The following CSMD2 variants were observed in gnomAD, a reference collection of about 807,000 sequenced individuals.
The protein encoded by CSMD2 is CUB and sushi domain-containing protein 2.
In CSMD2, 130 loss-of-function variants were observed where a neutral mutation model predicts 398.5. The ratio of observed to expected loss-of-function variants is 0.33; its 90% CI spans 0.28 to 0.38. The LOEUF (loss-of-function observed/expected upper bound fraction) is 0.38, where lower values mean the gene tolerates loss of function less well. Among genes scored for constraint, CSMD2 ranks in the 10% least tolerant of loss-of-function variants. The pLI is 1.00. For synonymous variants in CSMD2, 1,828 were observed against 1,908.5 expected, an observed-to-expected ratio of 0.96 and a Z score of 1.10; for missense variants, 3,829 against 4,764.9, an observed-to-expected ratio of 0.80 and a Z score of 5.78.
rs941119306 is a variant in CSMD2 at position 33,936,050 on chromosome 1, G to A, written c.518-96C>T. ...AGTAGCAACTCCCTAGGCCACTCGGGCTTCCTGGAACTCATTTCTTCTTCT... is the reference window on the plus strand; with the variant it reads ...AGTAGCAACTCCCTAGGCCACTCGGACTTCCTGGAACTCATTTCTTCTTCT... On this transcript the variant is annotated intron_variant, in intron 3 of 70. Transcript: ENST00000373381. The A allele has an allele frequency of 5.9e-6, 6 of 1,022,454 alleles. No individual in the cohort carries two copies. The Admixed American group carries it at 1.3e-4, about 22-fold the overall frequency. The allele number at this position is 1,022,454 out of a possible 1,614,324, so 63.3% of individuals were successfully genotyped here. A position where few individuals can be genotyped will look rare whatever the true frequency, so the allele number is the denominator to read the frequency against.
intron 44 of CSMD2, among the ~76,000 whole-genome samples, chr1:33,588,302 T>C (rs1284526516): frequency 6.6e-6 from 1 of 152,232 alleles, no homozygotes; most frequent in Non-Finnish European, 1.5e-5. Context: ...ACAGATACTC[T>C]GTTAACCATT....
chr1:33,795,093 G>T (rs1654794662), intron 10 of CSMD2, among the ~76,000 whole-genome samples: 1 of 151,828 alleles, frequency 6.6e-6, no homozygotes, highest in South Asian at 2.1e-4. Flanking sequence ...GCAAGGTCAA[G>T]GTGAGGCGGG....
Position 33,714,788 on chromosome 1 carries a change from CA to C in CSMD2, c.3218-14del, listed in dbSNP as rs1477476533. On this transcript the variant is annotated splice_polypyrimidine_tract_variant and intron_variant, in intron 20 of 70. Transcript: ENST00000373381. ...TCCAAGTCGTACTCTGGAAAGGTAGCAGGAGATCCGGGCTCAGAGACATTGC... is the reference window on the plus strand; with the variant it reads ...TCCAAGTCGTACTCTGGAAAGGTAGCGGAGATCCGGGCTCAGAGACATTGC... 6.2e-7 allele frequency: 1 copy of C among 1,612,868 alleles called. No individual in the cohort carries two copies. Among genetic ancestry groups the C allele is most frequent in the African/African-American group, 1.3e-5 (1 of 74,890 alleles).
At chr1:34,022,514 C>T (rs10914845) in intron 3 of CSMD2, among the ~76,000 whole-genome samples, 57,746 of 152,058 alleles carry the variant, frequency 0.38, 13,559 homozygotes, top group Non-Finnish European at 0.53. Context: ...ACAGAAAATA[C>T]ACGAGTGATG....
At chr1:33,987,847 G>C (rs1382419095) in intron 3 of CSMD2, among the ~76,000 whole-genome samples, 4 of 152,036 alleles carry the variant, frequency 2.6e-5, no homozygotes, top group Admixed American at 6.6e-5. Context: ...TAGAAACCTG[G>C]ATCATCCAAC....
intron 3 of CSMD2, among the ~76,000 whole-genome samples, chr1:33,978,582 A>G (rs1333775980): frequency 6.6e-6 from 1 of 152,168 alleles, no homozygotes; most frequent in African/African-American, 2.4e-5. Context: ...TGACACCTGA[A>G]GGATACGCAA....
chr1:33,570,333 A>ATT (rs57025243), intron 51 of CSMD2, among the ~76,000 whole-genome samples: 290 of 140,704 alleles, frequency 2.1e-3, no homozygotes, highest in African/African-American at 7.4e-3. Flanking sequence ...ATGCTGGCTA[A>ATT]TTTTTTTTTT....
At chr1:33,738,593 T>C (rs1646955280) in intron 15 of CSMD2, among the ~76,000 whole-genome samples, 1 of 152,220 alleles carries the variant, frequency 6.6e-6, no homozygotes, top group Non-Finnish European at 1.5e-5. Context: ...TCATCAGCCG[T>C]GTGCCTGCTG....
At position 33,634,341 on chromosome 1, in the gene CSMD2, G is replaced by A. The variant is rs147348630; in HGVS notation, c.5087-806C>T. ...GGTGCTTACTAAATGTTTGGCGAACGCCTCAAGCATCAGGCCTTGCTCTGT... is the reference window on the plus strand; with the variant it reads ...GGTGCTTACTAAATGTTTGGCGAACACCTCAAGCATCAGGCCTTGCTCTGT... On this transcript the variant is annotated intron_variant, in intron 31 of 70. Coordinates refer to ENST00000373381, the MANE Select transcript of CSMD2 (RefSeq NM_001281956.2). Among the ~76,000 whole-genome samples, 669 of 152,298 alleles carry A rather than the reference G, an allele frequency of 4.4e-3. 7 individuals are homozygous for A. Among genetic ancestry groups the A allele is most frequent in the African/African-American group, 0.015 (630 of 41,556 alleles).
In CSMD2 at chr1:33,959,084, TC is replaced by T; in HGVS notation, c.518-23131del. On this transcript the variant is annotated intron_variant, in intron 3 of 70. Transcript: ENST00000373381. ...TTTTCCAGATCAGATAACATGTGCT[TC>T]CCTCGTGGTCACAGTGAGATGATGT... Among the ~76,000 whole-genome samples, 3 of 152,280 alleles carry T rather than the reference TC, an allele frequency of 2.0e-5. 1 individual carries two copies. In the Middle Eastern group the frequency reaches 0.01, roughly 518 times the overall value.
Position 34,032,716 on chromosome 1 carries a change from A to G in CSMD2, c.405-10T>C. On this transcript the variant is annotated splice_polypyrimidine_tract_variant and intron_variant, in intron 2 of 70. Coordinates refer to ENST00000373381, the MANE Select transcript of CSMD2 (RefSeq NM_001281956.2). ...CTGAAAGCCTGTGAGCCTGAAAGAC[A>G]AAGAATTGGATTAGGGAGAATGACC... 2 of 1,560,226 alleles carry G rather than the reference A, an allele frequency of 1.3e-6. No individual in the cohort carries two copies. The highest frequency in any genetic ancestry group is 1.2e-5 in the South Asian group (1 of 85,174).
At chr1:33,523,159 G>T (rs1242948369) in intron 67 of CSMD2, 148 bp downstream of exon 67, 2 of 531,212 alleles carry the variant, frequency 3.8e-6, no homozygotes, top group Non-Finnish European at 6.7e-6. Context: ...AGCAGATGAG[G>T]ATCCTCTTGC....
intron 1 of CSMD2, among the ~76,000 whole-genome samples, chr1:34,127,144 G>A (rs1290329407): frequency 6.6e-6 from 1 of 152,142 alleles, no homozygotes; most frequent in Non-Finnish European, 1.5e-5. Flanking sequence ...GAGACACCAA[G>A]AAGCCACGCA....
intron 46 of CSMD2, among the ~76,000 whole-genome samples, chr1:33,586,153 G>C (rs1204219935): frequency 6.6e-6 from 1 of 152,230 alleles, no homozygotes; most frequent in East Asian, 1.9e-4. Flanking sequence ...AGTAAAGCAG[G>C]GATGGTGTGT....
At chr1:33,709,381 C>T (rs1645908679) in intron 21 of CSMD2, 123 bp from the exon 22 acceptor site, 2 of 749,616 alleles carry the variant, frequency 2.7e-6, no homozygotes, top group African/African-American at 1.8e-5. Flanking sequence ...GCCAAGGTGC[C>T]TGCGTGTCTG....
intron 5 of CSMD2, among the ~76,000 whole-genome samples, chr1:33,876,369 AT>A (rs901812491): frequency 1.6e-4 from 24 of 152,174 alleles, no homozygotes; most frequent in African/African-American, 5.6e-4. Flanking sequence ...GCCCTGGGCA[AT>A]TTGTCGAACA....
At position 33,533,628 on chromosome 1, in the gene CSMD2, T is replaced by G. The variant is rs1166816940; in HGVS notation, c.9991+168A>C. 6.6e-6 allele frequency among the ~76,000 whole-genome samples: 1 copy of G among 152,112 alleles called. No homozygotes were observed. Among genetic ancestry groups the G allele is most frequent in the Non-Finnish European group, 1.5e-5 (1 of 68,040 alleles). ...CCTTCCAATATCAGAAAGGCTTTTG[T>G]GTGGAAGTCTTCTGTGAGGCCCCAA... is the stretch of plus-strand genomic sequence containing the variant. On this transcript the variant is annotated intron_variant, in intron 63 of 70. Transcript: ENST00000373381. This position sits in a 1 kb window ranked among gnomAD's most constrained non-coding sequence, Gnocchi z 4.2.
chr1:33,603,397 C>G (rs988363583), intron 42 of CSMD2, among the ~76,000 whole-genome samples: 1 of 152,158 alleles, frequency 6.6e-6, no homozygotes, highest in African/African-American at 2.4e-5. Flanking sequence ...TCCCCAAACA[C>G]CATGGTCCAG....
At chr1:34,140,679 A>T (rs1027821612) in intron 1 of CSMD2, among the ~76,000 whole-genome samples, 7 of 152,204 alleles carry the variant, frequency 4.6e-5, no homozygotes, top group Non-Finnish European at 7.3e-5. Flanking sequence ...TATGCCCCTT[A>T]CACAGGCTAG....
Sources: allele counts gnomAD v4.1 joint callset (sites outside exome capture counted in the v4.1 genomes callset), GRCh38; gene constraint gnomAD v4.1.1; non-coding constraint Gnocchi (gnomAD v3.1); transcripts MANE v1.5; gene names NCBI Gene and HGNC (gene_info 2026-07-23, HGNC 2026-07-21).